Variants in CSMD3 observed in about 807,000 individuals in gnomAD.
The protein encoded by CSMD3 is CUB and sushi domain-containing protein 3.
A neutral mutation model predicts 435.2 loss-of-function variants in CSMD3; 177 were observed. That is an observed-to-expected ratio of 0.41 (90% CI 0.36 to 0.46). The LOEUF is 0.46. Among genes scored for constraint, CSMD3 ranks in the 20% least tolerant of loss-of-function variants. The pLI is 0.34. For missense variants in CSMD3, 4,265 were observed against 4,504.6 expected, an observed-to-expected ratio of 0.95 and a Z score of 1.52; for synonymous variants, 1,656 against 1,520.5, an observed-to-expected ratio of 1.09 and a Z score of -2.07.
chr8:112,259,891 A>T (rs1310075183), intron 61 of CSMD3, among the ~76,000 whole-genome samples: 1 of 152,160 alleles, frequency 6.6e-6, no homozygotes, highest in African/African-American at 2.4e-5. Flanking sequence ...TAACTAACTT[A>T]TTGCCTAACC....
chr8:112,897,311 C>T (rs2081975450), intron 10 of CSMD3, among the ~76,000 whole-genome samples: 1 of 151,296 alleles, frequency 6.6e-6, no homozygotes, highest in African/African-American at 2.4e-5. Flanking sequence ...CCAGAACATA[C>T]TCTAGTGCCA....
At chr8:112,794,101 AC>A (rs1355578471) in intron 13 of CSMD3, among the ~76,000 whole-genome samples, 1 of 151,968 alleles carries the variant, frequency 6.6e-6, no homozygotes, top group African/African-American at 2.4e-5. Context: ...AATTATGTCC[AC>A]AATGCTATGT....
At chr8:112,637,603 G>A (rs1212783408) in intron 21 of CSMD3, among the ~76,000 whole-genome samples, 2 of 152,010 alleles carry the variant, frequency 1.3e-5, no homozygotes, top group East Asian at 3.9e-4. Context: ...TTATGAAAAT[G>A]AACAAGTAAA....
chr8:112,452,436 A>G (rs992118785), intron 32 of CSMD3, among the ~76,000 whole-genome samples: 1 of 152,044 alleles, frequency 6.6e-6, no homozygotes, highest in South Asian at 2.1e-4. Flanking sequence ...TGTTGATTAA[A>G]AAAATTTAGA....
chr8:113,267,556 G>T lies in CSMD3; in HGVS notation c.514+11036C>A, dbSNP rs200520473. Among the ~76,000 whole-genome samples the T allele has an allele frequency of 4.6e-5, 7 of 151,740 alleles. No homozygotes were observed. In the East Asian group the frequency reaches 1.4e-3, roughly 29 times the overall value. ...GATCTAAGATATTTGATCAAATGAG[G>T]TAGATGGTGGGAAGATAGAAAACAG... On this transcript the variant is annotated intron_variant, in intron 3 of 70. Transcript: ENST00000297405.
At chr8:113,416,464 A>G (rs1165062204) in intron 1 of CSMD3, among the ~76,000 whole-genome samples, 1 of 152,156 alleles carries the variant, frequency 6.6e-6, no homozygotes, top group Non-Finnish European at 1.5e-5. Context: ...CTAAAACAGA[A>G]TGTCAGATTC....
intron 5 of CSMD3, among the ~76,000 whole-genome samples, chr8:113,059,885 T>C (rs530038459): frequency 1.4e-4 from 21 of 152,146 alleles, no homozygotes; most frequent in Non-Finnish European, 1.5e-5. Context: ...GCAGAAGATA[T>C]AGGCAAGGGT....
chr8:112,278,090 T>C (rs762810503), intron 59 of CSMD3, among the ~76,000 whole-genome samples: 2 of 152,190 alleles, frequency 1.3e-5, no homozygotes, highest in African/African-American at 2.4e-5. Context: ...CCTTGTGGCA[T>C]AATCAGTCAA....
intron 2 of CSMD3, among the ~76,000 whole-genome samples, chr8:113,296,346 A>T (rs1658981331): frequency 6.6e-6 from 1 of 151,336 alleles, no homozygotes. Flanking sequence ...TGGTGAAACC[A>T]CATCTCTACT....
chr8:112,383,459 G>A lies in CSMD3; in HGVS notation c.6031+108C>T. On this transcript the variant is annotated intron_variant, in intron 37 of 70. Coordinates refer to ENST00000297405, the MANE Select transcript of CSMD3 (RefSeq NM_198123.2). ...GTCCTTGTATCTTTGTGTATAGTTT[G>A]TAAAAAGCAAATTAAAACTACCAAG... is the stretch of plus-strand genomic sequence containing the variant. The A allele has an allele frequency of 4.4e-5, 31 of 699,514 alleles. 1 individual carries two copies. In the South Asian group the frequency reaches 5.0e-4, roughly 11 times the overall value. 43.3% of individuals were successfully genotyped at this position (699,514 alleles called of 1,614,324 possible).
chr8:112,441,193 G>A (rs1814973330), intron 32 of CSMD3, among the ~76,000 whole-genome samples: 1 of 151,998 alleles, frequency 6.6e-6, no homozygotes, highest in Non-Finnish European at 1.5e-5. Context: ...TCTAGGGCAG[G>A]GGTAAAATGC....
At chr8:113,183,888 G>A (rs777190389) in intron 3 of CSMD3, among the ~76,000 whole-genome samples, 2 of 152,064 alleles carry the variant, frequency 1.3e-5, no homozygotes, top group Non-Finnish European at 2.9e-5. Flanking sequence ...CTCTGACCAC[G>A]AAGCAAGCAA....
At chr8:112,371,005 T>A (rs987472768) in intron 38 of CSMD3, among the ~76,000 whole-genome samples, 4 of 152,116 alleles carry the variant, frequency 2.6e-5, no homozygotes, top group African/African-American at 4.8e-5. Context: ...GTTGATTTGA[T>A]CAATGAAGTT....
intron 13 of CSMD3, among the ~76,000 whole-genome samples, chr8:112,738,833 T>G (rs1454145517): frequency 3.3e-5 from 5 of 151,780 alleles, no homozygotes; most frequent in African/African-American, 1.2e-4. Context: ...ATTTTTAAGA[T>G]AAAAGTCTTG....
intron 4 of CSMD3, among the ~76,000 whole-genome samples, chr8:113,113,750 A>G (rs139452102): frequency 6.6e-6 from 1 of 152,334 alleles, no homozygotes; most frequent in Non-Finnish European, 1.5e-5. Flanking sequence ...AAGCTGCTAG[A>G]GTTTCTGAGA....
At chr8:112,845,113 G>T (rs1707397620) in intron 11 of CSMD3, among the ~76,000 whole-genome samples, 1 of 151,980 alleles carries the variant, frequency 6.6e-6, no homozygotes, top group Admixed American at 6.6e-5. Context: ...TTCCTAGAAA[G>T]AGCTAAAACA....
intron 45 of CSMD3, among the ~76,000 whole-genome samples, chr8:112,334,971 T>A (rs773530181): frequency 3.3e-5 from 5 of 152,144 alleles, no homozygotes; most frequent in African/African-American, 4.8e-5. Flanking sequence ...GCAGGTTGAA[T>A]AGATTAAACA....
At chr8:113,237,532 T>C (rs1007230495) in intron 3 of CSMD3, among the ~76,000 whole-genome samples, 1 of 152,196 alleles carries the variant, frequency 6.6e-6, no homozygotes, top group African/African-American at 2.4e-5. Flanking sequence ...GCGGATGTAT[T>C]GCCATGTCTA....
intron 32 of CSMD3, among the ~76,000 whole-genome samples, chr8:112,438,046 T>C (rs1366971000): frequency 2.0e-5 from 3 of 152,138 alleles, no homozygotes; most frequent in African/African-American, 4.8e-5. Flanking sequence ...CAATTCTCCA[T>C]CATATCTAAC....
Sources: gnomAD v4.1 joint callset for allele counts (sites outside exome capture counted in the v4.1 genomes callset) on GRCh38, gnomAD v4.1.1 for gene constraint, MANE v1.5 for transcripts, NCBI Gene and HGNC (gene_info 2026-07-23, HGNC 2026-07-21) for gene names.